Variants in COX5A observed in about 807,000 individuals in gnomAD.
COX5A encodes cytochrome c oxidase subunit 5A, mitochondrial.
A neutral mutation model predicts 16.1 loss-of-function variants in COX5A; 6 were observed. That is an observed-to-expected ratio of 0.37 (90% CI 0.20 to 0.73). The LOEUF (loss-of-function observed/expected upper bound fraction) is 0.73. COX5A is among the 30% of genes least tolerant of loss of function. The pLI is 0.50. For synonymous variants in COX5A, 73 were observed against 73.8 expected, an observed-to-expected ratio of 0.99 and a Z score of 0.06; for missense variants, 159 against 194.9, an observed-to-expected ratio of 0.82 and a Z score of 1.10.
chr15:74,932,271 TATTAG>T (rs1333867870), intron 1 of COX5A, among the ~76,000 whole-genome samples: 1 of 152,168 alleles, frequency 6.6e-6, no homozygotes, highest in African/African-American at 2.4e-5. Flanking sequence ...CTACTACCTG[TATTAG>T]ATAAGTGTGG....
intron 4 of COX5A, among the ~76,000 whole-genome samples, chr15:74,922,006 A>G (rs1251420868): frequency 6.6e-6 from 1 of 152,190 alleles, no homozygotes; most frequent in East Asian, 1.9e-4. Flanking sequence ...TGGGCAACAT[A>G]GTGAGACTCT....
At chr15:74,930,875 G>A (rs1566980784) in intron 1 of COX5A, among the ~76,000 whole-genome samples, 1 of 150,818 alleles carries the variant, frequency 6.6e-6, no homozygotes, top group Non-Finnish European at 1.5e-5. Flanking sequence ...AAATTAGCCA[G>A]GTGTGGTGGC....
chr15:74,921,054 C>T (rs550501178), intron 4 of COX5A, among the ~76,000 whole-genome samples: 229 of 152,176 alleles, frequency 1.5e-3, no homozygotes, highest in African/African-American at 5.3e-3. Context: ...TTCTGGACCC[C>T]TTGGAATAAT....
At chr15:74,936,571 T>C (rs2065390943) in intron 1 of COX5A, among the ~76,000 whole-genome samples, 2 of 151,568 alleles carry the variant, frequency 1.3e-5, no homozygotes, top group South Asian at 2.1e-4. Context: ...TCCAGCCTTA[T>C]GGTTCTACGA....
chr15:74,934,332 A>ATT (rs764981754), intron 1 of COX5A, among the ~76,000 whole-genome samples: 11 of 144,986 alleles, frequency 7.6e-5, no homozygotes, highest in Admixed American at 1.4e-4. Context: ...CGTGATTTAA[A>ATT]TTTTTTTTTT....
intron 2 of COX5A, among the ~76,000 whole-genome samples, chr15:74,928,388 CT>C (rs955547714): frequency 5.6e-4 from 82 of 145,624 alleles, no homozygotes; most frequent in Admixed American, 1.1e-3. Context: ...TGTGTAAATT[CT>C]TTTTTTTTTT....
intron 1 of COX5A, among the ~76,000 whole-genome samples, chr15:74,932,822 A>G (rs888341390): frequency 2.6e-5 from 4 of 151,344 alleles, no homozygotes; most frequent in Non-Finnish European, 4.4e-5. Context: ...TTAGCCTCCC[A>G]AGTAGCTGGG....
At chr15:74,934,522 G>A (rs575293125) in intron 1 of COX5A, among the ~76,000 whole-genome samples, 50 of 152,106 alleles carry the variant, frequency 3.3e-4, no homozygotes, top group Middle Eastern at 3.4e-3. Flanking sequence ...TAGTAGAGAC[G>A]GGGTTTCACC....
chr15:74,929,335 AAAATATTGAACAGGTC>A lies in COX5A; in HGVS notation c.101-119_101-104del, dbSNP rs761900789. Reference sequence around the variant, plus strand: ...GTTGACTATATATGTTGTGGCAGCAAAAATATTGAACAGGTCAAATGAAATACATCGTATACATTGA... The same window carrying A: ...GTTGACTATATATGTTGTGGCAGCAAAAATGAAATACATCGTATACATTGA... On this transcript the variant is annotated intron_variant, in intron 1 of 4. Coordinates refer to ENST00000322347, the MANE Select transcript of COX5A (RefSeq NM_004255.4). 1,922 of 739,818 alleles carry A rather than the reference AAAATATTGAACAGGTC, an allele frequency of 2.6e-3. 8 individuals are homozygous for A. The highest frequency in any genetic ancestry group is 3.5e-3 in the Non-Finnish European group (1,464 of 413,530). 45.8% of individuals were successfully genotyped at this position (739,818 alleles called of 1,614,324 possible).
chr15:74,927,028 C>G lies in COX5A; in HGVS notation c.218-141G>C, dbSNP rs888188377. ...CTCTTACCTATAAAATGAGAGAAAC[C>G]TACCTTTAACAAATTCTAGATAATA... On this transcript the variant is annotated intron_variant, in intron 2 of 4. Transcript: ENST00000322347. The G allele has an allele frequency of 5.0e-6, 4 of 797,190 alleles. No individual in the cohort carries two copies. The African/African-American group carries it at 7.2e-5, about 14-fold the overall frequency. The allele number at this position is 797,190 out of a possible 1,614,324, so 49.4% of individuals were successfully genotyped here. A position where few individuals can be genotyped will look rare whatever the true frequency, so the allele number is the denominator to read the frequency against.
At chr15:74,933,756 A>G (rs1342876175) in intron 1 of COX5A, among the ~76,000 whole-genome samples, 1 of 152,192 alleles carries the variant, frequency 6.6e-6, no homozygotes, top group Non-Finnish European at 1.5e-5. Flanking sequence ...TGAAAGGTCT[A>G]TGTACTCCTT....
At chr15:74,937,867 T>C in intron 1 of COX5A, 48 bp downstream of exon 1, 1 of 1,134,628 alleles carries the variant, frequency 8.8e-7, no homozygotes, top group South Asian at 4.5e-5. Flanking sequence ...GGGACCCAGG[T>C]CACCGCAAGG....
intron 1 of COX5A, among the ~76,000 whole-genome samples, chr15:74,936,622 C>CTTTTTT (rs1021836626): frequency 4.7e-4 from 53 of 112,436 alleles, no homozygotes; most frequent in African/African-American, 5.7e-4. Context: ...AAAACATATT[C>CTTTTTT]TTTTTTTTTT....
In COX5A at chr15:74,929,130, C is replaced by A. The variant is rs1555406950; in HGVS notation, c.203G>T (p.Trp68Leu). The A allele has an allele frequency of 6.2e-7, 1 of 1,610,754 alleles. No individual in the cohort carries two copies. The highest frequency in any genetic ancestry group is 8.5e-7 in the Non-Finnish European group (1 of 1,177,068). The stretch of plus-strand genomic sequence containing the variant: ...GTTCCAATTACCTTTACGCAATTCC[C>A]AGGCATCTATATCTGGCTTGTTGAA... ...TYFNKPDIDAWELRKGINTLV... is the reference protein window; with the variant it reads ...TYFNKPDIDALELRKGINTLV... Residue 68 changes from tryptophan (W) to leucine (L), a missense_variant, in exon 2 of 5, where the codon TGG becomes TTG. Coordinates refer to ENST00000322347, the MANE Select transcript of COX5A (RefSeq NM_004255.4).
At position 74,938,040 on chromosome 15, in the gene COX5A, A is replaced by C; in HGVS notation, c.-26T>G. 1 of 1,219,968 alleles carries C rather than the reference A, an allele frequency of 8.2e-7. No homozygotes were observed. Among genetic ancestry groups the C allele is most frequent in the South Asian group, 4.1e-5 (1 of 24,162 alleles). 75.6% of individuals were successfully genotyped at this position (1,219,968 alleles called of 1,614,324 possible). On this transcript the variant is annotated 5_prime_UTR_variant, in exon 1 of 5. Coordinates refer to ENST00000322347, the MANE Select transcript of COX5A (RefSeq NM_004255.4). ...GACGGCGATGGCGGCGCGCGGGCTG[A>C]GGACAGAGAGAAGCCGGTGTAAGCT...
chr15:74,935,496 A>G (rs2065385140), intron 1 of COX5A, among the ~76,000 whole-genome samples: 1 of 149,666 alleles, frequency 6.7e-6, no homozygotes, highest in South Asian at 2.1e-4. Context: ...GCTACTTGGA[A>G]GGTGGAGGCA....
At chr15:74,936,086 C>A (rs59945415) in intron 1 of COX5A, among the ~76,000 whole-genome samples, 56,719 of 151,394 alleles carry the variant, frequency 0.37, 13,454 homozygotes, top group Non-Finnish European at 0.54. Context: ...ACCTCACGAG[C>A]TCGAAACCAG....
chr15:74,929,351 C>A (rs1400322071), intron 1 of COX5A, 119 bp from the exon 2 acceptor site: 82 of 679,130 alleles, frequency 1.2e-4, no homozygotes, highest in Non-Finnish European at 1.1e-4. Context: ...TTGAACAGGT[C>A]AAATGAAATA....
chr15:74,934,837 A>G (rs539055449), intron 1 of COX5A, among the ~76,000 whole-genome samples: 2 of 152,128 alleles, frequency 1.3e-5, no homozygotes, highest in Admixed American at 1.3e-4. Flanking sequence ...AATTACTCAG[A>G]GCTTTTACGT....
Sources: allele counts gnomAD v4.1 joint callset (sites outside exome capture counted in the v4.1 genomes callset), GRCh38; gene constraint gnomAD v4.1.1; transcripts MANE v1.5; gene names NCBI Gene and HGNC (gene_info 2026-07-23, HGNC 2026-07-21).